ARHGEF1: variants seen among roughly 807,000 people sequenced by gnomAD.
The protein encoded by ARHGEF1 is 115 kDa guanine nucleotide exchange factor.
Under a neutral mutation model 119.7 loss-of-function variants are expected in ARHGEF1, and 40 were observed. That is an observed-to-expected ratio of 0.33 (90% CI 0.26 to 0.44). The LOEUF (loss-of-function observed/expected upper bound fraction) is 0.44. ARHGEF1 is among the 20% of genes least tolerant of loss of function. ARHGEF1 has a pLI of 1.00. For synonymous variants in ARHGEF1, 494 were observed against 521.0 expected (o/e 0.95, Z 0.71); for missense variants, 976 against 1,268.3 (o/e 0.77, Z 3.50).
At position 41,883,501 on chromosome 19, in the gene ARHGEF1, G is replaced by T. The variant is rs1555844741; in HGVS notation, c.-20+212G>T. Among the ~76,000 whole-genome samples the T allele has an allele frequency of 1.3e-5, 2 of 152,208 alleles. No homozygotes were observed. The highest frequency in any genetic ancestry group is 2.9e-5 in the Non-Finnish European group (2 of 68,034). ...ACACTTGACGAGTGCCCCATAGGTGGGGACGAACGGTGCGAGGCCGGGGCC... is the reference window on the plus strand; with the variant it reads ...ACACTTGACGAGTGCCCCATAGGTGTGGACGAACGGTGCGAGGCCGGGGCC... On this transcript the variant is annotated intron_variant, in intron 1 of 28. Coordinates refer to ENST00000354532, the MANE Select transcript of ARHGEF1 (RefSeq NM_004706.4). This position sits in a 1 kb window ranked among gnomAD's most constrained non-coding sequence, Gnocchi z 7.6.
In ARHGEF1 at chr19:41,907,163, A is replaced by C; in HGVS notation, c.*76A>C. 6.5e-7 allele frequency: 1 copy of C among 1,530,960 alleles called. No individual in the cohort carries two copies. The highest frequency in any genetic ancestry group is 8.7e-7 in the Non-Finnish European group (1 of 1,144,722). 94.8% of individuals were successfully genotyped at this position (1,530,960 alleles called of 1,614,324 possible). A position where few individuals can be genotyped will look rare whatever the true frequency, so the allele number is the denominator to read the frequency against. ...GACGTGAGGGACCACCCCCACCCAC[A>C]CAGCTGCCGCAGCATCTCACACCCC... On this transcript the variant is annotated 3_prime_UTR_variant, in exon 29 of 29. Coordinates refer to ENST00000354532, the MANE Select transcript of ARHGEF1 (RefSeq NM_004706.4).
In ARHGEF1 at chr19:41,902,269, C is replaced by T. The variant is rs925727704; in HGVS notation, c.1415-5C>T. 1 of 1,614,154 alleles carries T rather than the reference C, an allele frequency of 6.2e-7. No individual in the cohort carries two copies. The highest frequency in any genetic ancestry group is 1.1e-5 in the South Asian group (1 of 91,076). Reference sequence around the variant, plus strand: ...TGGAGCATCCCTTTCCTCCTGCCCCCACAGCCCTGTTCCTCGATCGCCTGA... The same window carrying T: ...TGGAGCATCCCTTTCCTCCTGCCCCTACAGCCCTGTTCCTCGATCGCCTGA... On this transcript the variant is annotated splice_region_variant and splice_polypyrimidine_tract_variant and intron_variant, in intron 15 of 28. Transcript: ENST00000354532. This position sits in a 1 kb window ranked among gnomAD's most constrained non-coding sequence, Gnocchi z 6.5.
At chr19:41,886,405 G>A (rs139013953) in intron 1 of ARHGEF1, among the ~76,000 whole-genome samples, 118 of 152,230 alleles carry the variant, frequency 7.8e-4, no homozygotes, top group East Asian at 2.9e-3. Flanking sequence ...TCAGTTGAGC[G>A]TTTCTACCTC....
Position 41,902,312 on chromosome 19 carries a change from A to G in ARHGEF1, c.1453A>G (p.Ser485Gly). ...TCGCCTGATGAAGCGGAGGCAGGAG[A>G]GTGGCTACCTCATCGAGGAGATCGG... ...LDRLMKRRQE[S>G]GYLIEEIGDV... The change falls in exon 16 of 29, where the codon AGT becomes GGT. Residue 485 changes from serine (S) to glycine (G), a missense_variant. Ser to Gly is a moderately conservative substitution (Grantham distance 56, BLOSUM62 0). Coordinates refer to ENST00000354532, the MANE Select transcript of ARHGEF1 (RefSeq NM_004706.4). The surrounding 1 kb of genome is among the most constrained non-coding windows in gnomAD (Gnocchi z 6.5). The G allele has an allele frequency of 6.2e-7, 1 of 1,614,042 alleles. No homozygotes were observed. The highest frequency in any genetic ancestry group is 8.5e-7 in the Non-Finnish European group (1 of 1,180,020).
chr19:41,890,947 C>G (rs1271126872), intron 4 of ARHGEF1, among the ~76,000 whole-genome samples: 6 of 152,020 alleles, frequency 3.9e-5, no homozygotes, highest in African/African-American at 1.2e-4. Context: ...AGAAAAAGTC[C>G]CACTCCCATT....
rs12104228 is a variant in ARHGEF1, at chr19:41,894,377, T to C, written c.744+71T>C. 81,524 of 1,517,530 alleles carry C rather than the reference T, an allele frequency of 0.054. 19,352 individuals carry two copies. The African/African-American group carries it at 0.69, about 13-fold the overall frequency. The allele number at this position is 1,517,530 out of a possible 1,614,324, so 94.0% of individuals were successfully genotyped here. On this transcript the variant is annotated intron_variant, in intron 9 of 28. Coordinates refer to ENST00000354532, the MANE Select transcript of ARHGEF1 (RefSeq NM_004706.4). Reference sequence around the variant, plus strand: ...GCCCTGGGAGCCTCATGACTCTGGATACCTAGCGTCAAATTCTGCTTTGTT... The same window carrying C: ...GCCCTGGGAGCCTCATGACTCTGGACACCTAGCGTCAAATTCTGCTTTGTT...
downstream of ARHGEF1, chr19:41,909,871 C>T: frequency 1.2e-6 from 2 of 1,610,614 alleles, no homozygotes; most frequent in Non-Finnish European, 1.7e-6. This position sits in a 1 kb window ranked among gnomAD's most constrained non-coding sequence, Gnocchi z 5.2. Flanking sequence ...ACCGCAGGGC[C>T]CGGCTCAGCT....
In ARHGEF1 at chr19:41,891,954, C is replaced by T; in HGVS notation, c.226-71C>T. ...AGGATGGCCAGGAGGTGAGGAAGGC[C>T]CTTTTCAAAGGGAGAGTGTGGTTTG... On this transcript the variant is annotated intron_variant, in intron 4 of 28. Transcript: ENST00000354532. The T allele has an allele frequency of 1.1e-5, 15 of 1,357,182 alleles. 1 individual carries two copies. The South Asian group carries it at 2.0e-4, about 18-fold the overall frequency. The allele number at this position is 1,357,182 out of a possible 1,614,324, so 84.1% of individuals were successfully genotyped here.
At chr19:41,912,445 G>A (rs535399584), downstream of ARHGEF1, among the ~76,000 whole-genome samples, 1 of 152,308 alleles carries the variant, frequency 6.6e-6, no homozygotes, top group Admixed American at 6.5e-5. Context: ...ACGTACCCCT[G>A]ACTGGGCAGT....
intron 1 of ARHGEF1, among the ~76,000 whole-genome samples, chr19:41,924,781 C>G (rs896295465): frequency 3.9e-5 from 6 of 152,058 alleles, no homozygotes; most frequent in Non-Finnish European, 7.4e-5. Context: ...GAGGAAGGCG[C>G]TCCTCGAGGA....
In ARHGEF1 at chr19:41,894,244, C is replaced by G. The variant is rs782103034; in HGVS notation, c.682C>G (p.His228Asp). 6.4e-7 allele frequency: 1 copy of G among 1,560,194 alleles called. No homozygotes were observed. The highest frequency in any genetic ancestry group is 8.7e-7 in the Non-Finnish European group (1 of 1,150,788). ...VVNAIGLYMR[H>D]LGVRTKSGDK... Reference sequence around the variant, plus strand: ...CAACGCCATTGGCCTGTACATGCGCCACCTTGGGGTGCGGACCAAGAGTGG... The same window carrying G: ...CAACGCCATTGGCCTGTACATGCGCGACCTTGGGGTGCGGACCAAGAGTGG... The change falls in exon 9 of 29, where the codon CAC becomes GAC. Residue 228 changes from histidine (H) to aspartate (D), a missense_variant. His to Asp is a moderately conservative substitution (Grantham distance 81). Around this residue, in one of 3 missense-constraint regions of ARHGEF1, gnomAD observed 519 missense variants for 580.9 expected, o/e 0.89. Transcript: ENST00000354532.
chr19:41,897,762 T>C (rs2074536519), intron 13 of ARHGEF1: 2 of 529,436 alleles, frequency 3.8e-6, no homozygotes, highest in Non-Finnish European at 6.1e-6. Flanking sequence ...CCCGTCTCTG[T>C]CCCTGTCCTC....
Position 41,917,345 on chromosome 19 carries a change from C to A in ARHGEF1, c.1866-5747C>A, listed in dbSNP as rs1249640935. 8.6e-5 allele frequency among the ~76,000 whole-genome samples: 13 copies of A among 151,972 alleles called. No homozygotes were observed. The highest frequency in any genetic ancestry group is 3.1e-4 in the African/African-American group (13 of 41,326). On this transcript the variant is annotated intron_variant, in intron 18 of 20. Coordinates refer to the ARHGEF1 transcript ENST00000599589. This position sits in a 1 kb window ranked among gnomAD's most constrained non-coding sequence, Gnocchi z 4.8. ...ATCTCTCTCTGCCTCTGTCTCCTAA[C>A]GCCCCATCACCACGCCCCCCTGGGC...
intron 1 of ARHGEF1, chr19:41,884,440 C>G: frequency 6.2e-7 from 1 of 1,604,592 alleles, no homozygotes. Context: ...GGAGCCCGAG[C>G]GCGGAGGCTT....
rs370981860 is a variant in ARHGEF1 at position 41,894,470 on chromosome 19, C to T, written c.764C>T (p.Ser255Leu). ...TCACAGGTGATGGGGAACCGGCGGT[C>T]GGACGAGCCTGCCAAGACCAAGAAG... ...FRKKVMGNRR[S>L]DEPAKTKKGL... Residue 255 changes from serine (S) to leucine (L), a missense_variant, in exon 10 of 29, where the codon TCG (serine) becomes TTG (leucine). Ser to Leu is a moderately radical substitution (Grantham distance 145). Coordinates refer to ENST00000354532, the MANE Select transcript of ARHGEF1 (RefSeq NM_004706.4). The T allele has an allele frequency of 5.7e-6, 9 of 1,566,020 alleles. No individual in the cohort carries two copies. Among genetic ancestry groups the T allele is most frequent in the South Asian group, 2.4e-5 (2 of 83,122 alleles).
chr19:41,901,609 A>G (rs2074605930), intron 14 of ARHGEF1, among the ~76,000 whole-genome samples: 1 of 151,072 alleles, frequency 6.6e-6, no homozygotes. Flanking sequence ...GCCTGGGCTA[A>G]TTTTTTTTCT....
At chr19:41,893,055 T>A (rs2074403576) in intron 7 of ARHGEF1, 5 of 1,036,168 alleles carry the variant, frequency 4.8e-6, no homozygotes, top group Non-Finnish European at 6.8e-6. Flanking sequence ...CCCTTGTCAT[T>A]TCTGGGTCTT....
chr19:41,885,713 G>A (rs2074284625), intron 1 of ARHGEF1, among the ~76,000 whole-genome samples: 1 of 152,076 alleles, frequency 6.6e-6, no homozygotes, highest in African/African-American at 2.4e-5. Context: ...GCCCGCCTTG[G>A]TCTCCCAAAG....
chr19:41,903,958 G>A lies in ARHGEF1; in HGVS notation c.1918-77G>A. 4.1e-6 allele frequency: 6 copies of A among 1,471,690 alleles called. No individual in the cohort carries two copies. The highest frequency in any genetic ancestry group is 5.7e-6 in the Non-Finnish European group (6 of 1,057,084). 91.2% of individuals were successfully genotyped at this position (1,471,690 alleles called of 1,614,324 possible). A position where few individuals can be genotyped will look rare whatever the true frequency, so the allele number is the denominator to read the frequency against. On this transcript the variant is annotated intron_variant, in intron 20 of 28. Transcript: ENST00000354532. The surrounding 1 kb of genome is among the most constrained non-coding windows in gnomAD (Gnocchi z 4.2). Reference sequence around the variant, plus strand: ...CAGCCTGTGGTCATCCCCGGCCACTGCCCTGCCCTTCCCCTCCCCACCAAC... The same window carrying A: ...CAGCCTGTGGTCATCCCCGGCCACTACCCTGCCCTTCCCCTCCCCACCAAC...
Sources: gnomAD v4.1 joint callset for allele counts (sites outside exome capture counted in the v4.1 genomes callset) on GRCh38, gnomAD v4.1.1 for gene constraint, gnomAD v4.1.1 regional missense constraint, Gnocchi (gnomAD v3.1) non-coding constraint, MANE v1.5 for transcripts, NCBI Gene and HGNC (gene_info 2026-07-23, HGNC 2026-07-21) for gene names.